Variants in ARHGAP12 observed in about 807,000 individuals in gnomAD.
ARHGAP12 encodes Rho GTPase activating protein 12.
ARHGAP12 carries 64 observed loss-of-function variants against 108.6 expected under a neutral mutation model. The ratio of observed to expected loss-of-function variants is 0.59; its 90% confidence interval spans 0.48 to 0.73. ARHGAP12 has a LOEUF of 0.73. ARHGAP12 is among the 30% of genes least tolerant of loss of function. The pLI is 0.00. For missense variants in ARHGAP12, 940 were observed against 1,005.9 expected, an observed-to-expected ratio of 0.93 and a Z score of 0.89; for synonymous variants, 312 against 337.2, an observed-to-expected ratio of 0.93 and a Z score of 0.82.
In ARHGAP12 at chr10:31,806,745, G is replaced by A. The variant is rs2132127405; in HGVS notation, c.*913C>T. 1 of 152,586 alleles carries A rather than the reference G, an allele frequency of 6.6e-6. No homozygotes were observed. Among genetic ancestry groups the A allele is most frequent in the African/African-American group, 2.4e-5 (1 of 41,514 alleles). 9.5% of individuals were successfully genotyped at this position (152,586 alleles called of 1,614,324 possible). On this transcript the variant is annotated 3_prime_UTR_variant, in exon 20 of 20. Coordinates refer to ENST00000344936, the MANE Select transcript of ARHGAP12 (RefSeq NM_018287.7). ...CTTTCCCAAATAACGGACTATTTCT[G>A]GAGGAAACCTAATATTCACAGAAAA...
chr10:31,813,857 G>C (rs909898191), intron 14 of ARHGAP12, among the ~76,000 whole-genome samples: 6 of 152,124 alleles, frequency 3.9e-5, no homozygotes, highest in African/African-American at 1.4e-4. Flanking sequence ...ATGGATGCCT[G>C]GTGTCCAGTA....
At chr10:31,833,476 C>A (rs754072785) in intron 9 of ARHGAP12, among the ~76,000 whole-genome samples, 2 of 152,044 alleles carry the variant, frequency 1.3e-5, no homozygotes, top group South Asian at 4.1e-4. Context: ...CCCAAATCAA[C>A]GGATAGACTG....
chr10:31,843,055 C>T (rs1196066789), intron 7 of ARHGAP12, among the ~76,000 whole-genome samples: 2 of 152,016 alleles, frequency 1.3e-5, no homozygotes, highest in Non-Finnish European at 2.9e-5. Flanking sequence ...ATGAAACCTC[C>T]TAGAGACTGA....
At chr10:31,895,035 T>C (rs1838620955) in intron 3 of ARHGAP12, among the ~76,000 whole-genome samples, 2 of 152,336 alleles carry the variant, frequency 1.3e-5, no homozygotes, top group East Asian at 3.9e-4. Context: ...CTGGGAAAAC[T>C]GGTTTGCCAT....
intron 13 of ARHGAP12, among the ~76,000 whole-genome samples, chr10:31,815,391 C>T (rs761595900): frequency 3.9e-5 from 6 of 152,154 alleles, no homozygotes; most frequent in Non-Finnish European, 5.9e-5. Flanking sequence ...TCCACAGGTA[C>T]GTGAGTCTGT....
At chr10:31,893,503 G>T (rs1400482599) in intron 3 of ARHGAP12, among the ~76,000 whole-genome samples, 1 of 152,090 alleles carries the variant, frequency 6.6e-6, no homozygotes, top group African/African-American at 2.4e-5. Context: ...TAGAAGAAAC[G>T]GATAAATTCC....
chr10:31,810,850 T>C (rs980029875), intron 15 of ARHGAP12, 103 bp from the exon 16 acceptor site: 2 of 857,270 alleles, frequency 2.3e-6, no homozygotes, highest in African/African-American at 1.7e-5. Flanking sequence ...CGTAACCAAA[T>C]ATTGTTTAAC....
chr10:31,874,897 C>T (rs149710354), intron 3 of ARHGAP12, among the ~76,000 whole-genome samples: 5,384 of 143,614 alleles, frequency 0.037, 132 homozygotes, highest in Non-Finnish European at 0.056. Context: ...TCTCTTGAAC[C>T]CGGGAGGCAG....
chr10:31,820,150 CA>C (rs963173181), intron 12 of ARHGAP12, among the ~76,000 whole-genome samples: 2 of 151,804 alleles, frequency 1.3e-5, no homozygotes. Context: ...TTATTGCTGG[CA>C]AAAGATAGGA....
chr10:31,817,934 T>C, intron 12 of ARHGAP12, 48 bp from the exon 13 acceptor site: 1 of 1,363,842 alleles, frequency 7.3e-7, no homozygotes, highest in Non-Finnish European at 1.0e-6. Flanking sequence ...GTTTGTGCTT[T>C]CAGCAAAATA....
chr10:31,834,828 T>A (rs191548995), intron 9 of ARHGAP12, among the ~76,000 whole-genome samples: 220 of 152,276 alleles, frequency 1.4e-3, no homozygotes, highest in African/African-American at 5.2e-3. Context: ...AACTATTAAA[T>A]ATCTAAGTTT....
At chr10:31,821,653 CCT>C (rs1466837504) in intron 11 of ARHGAP12, among the ~76,000 whole-genome samples, 1 of 152,164 alleles carries the variant, frequency 6.6e-6, no homozygotes, top group Non-Finnish European at 1.5e-5. Flanking sequence ...TTTGCCTCAA[CCT>C]GTTCCCGTTT....
At chr10:31,827,531 C>T (rs898705464) in intron 10 of ARHGAP12, among the ~76,000 whole-genome samples, 12 of 152,168 alleles carry the variant, frequency 7.9e-5, no homozygotes, top group African/African-American at 2.4e-4. Context: ...GTGGCTCACG[C>T]CTGTAATCCC....
intron 2 of ARHGAP12, among the ~76,000 whole-genome samples, chr10:31,909,357 C>T (rs1376758073): frequency 6.6e-6 from 1 of 151,844 alleles, no homozygotes; most frequent in African/African-American, 2.4e-5. Flanking sequence ...TTTAAATGAT[C>T]ACCTCCTAGA....
In ARHGAP12 at chr10:31,861,493, A is replaced by C. The variant is rs1837113220; in HGVS notation, c.850T>G (p.Tyr284Asp). Residue 284 changes from tyrosine (Y) to aspartate (D), a missense_variant, in exon 4 of 20, where the codon TAT becomes GAT. Physicochemically the swap from Tyr to Asp is radical, Grantham distance 160. Transcript: ENST00000344936. ...HKDSSGRCYY[Y>D]NRGTQERTWK... ...GTTCTTTCCTGTGTCCCTCTGTTATAGTAATAGCAACGCCCTGAGCTGTCT... is the reference window on the plus strand; with the variant it reads ...GTTCTTTCCTGTGTCCCTCTGTTATCGTAATAGCAACGCCCTGAGCTGTCT... 1.9e-6 allele frequency: 3 copies of C among 1,613,970 alleles called. No homozygotes were observed. Among genetic ancestry groups the C allele is most frequent in the Non-Finnish European group, 2.5e-6 (3 of 1,180,026 alleles).
chr10:31,823,343 T>C (rs576717110), intron 11 of ARHGAP12, among the ~76,000 whole-genome samples: 3 of 152,104 alleles, frequency 2.0e-5, no homozygotes, highest in East Asian at 3.9e-4. Context: ...GTGGAAGGTA[T>C]CTGTCCTAGA....
At chr10:31,870,387 C>T (rs1262416974) in intron 3 of ARHGAP12, among the ~76,000 whole-genome samples, 2 of 152,052 alleles carry the variant, frequency 1.3e-5, no homozygotes, top group African/African-American at 2.4e-5. Context: ...TGCGCCACCC[C>T]ACCCAGCTAA....
chr10:31,890,019 G>C (rs1200396079), intron 3 of ARHGAP12, among the ~76,000 whole-genome samples: 1 of 152,060 alleles, frequency 6.6e-6, no homozygotes, highest in East Asian at 1.9e-4. Context: ...ATACATTACT[G>C]TGCAGTGAAT....
intron 6 of ARHGAP12, among the ~76,000 whole-genome samples, chr10:31,847,219 A>G (rs1200082699): frequency 2.0e-5 from 3 of 152,000 alleles, no homozygotes; most frequent in African/African-American, 7.2e-5. Context: ...TGTGTCACCA[A>G]CCTACTGATT....
Sources: gnomAD v4.1 joint callset for allele counts (sites outside exome capture counted in the v4.1 genomes callset) on GRCh38, gnomAD v4.1.1 for gene constraint, MANE v1.5 for transcripts, NCBI Gene and HGNC (gene_info 2026-07-23, HGNC 2026-07-21) for gene names.